Variants in OGT observed in about 807,000 individuals in gnomAD.
OGT encodes O-linked N-acetylglucosamine (GlcNAc) transferase.
OGT carries 3 observed loss-of-function variants against 75.8 expected under a neutral mutation model. The ratio of observed to expected loss-of-function variants is 0.04; its 90% CI spans 0.02 to 0.10. The LOEUF (loss-of-function observed/expected upper bound fraction) is 0.10. Among genes scored for constraint, OGT ranks in the 10% least tolerant of loss-of-function variants. OGT has a pLI of 1.00. For missense variants in OGT, 260 were observed against 824.4 expected (o/e 0.32, Z 8.38); for synonymous variants, 257 against 289.7 (o/e 0.89, Z 1.15).
At position 71,573,732 on chromosome X, in the gene OGT, T is replaced by C. The variant is rs1375699148; in HGVS notation, c.3079T>C (p.Tyr1027His). The change falls in exon 22 of 22, where the codon TAT (tyrosine) becomes CAT (histidine). Residue 1027 changes from tyrosine to histidine, a missense_variant. Physicochemically the swap from Tyr to His is moderately conservative, Grantham distance 83 (BLOSUM62 2). Coordinates refer to ENST00000373719, the MANE Select transcript of OGT (RefSeq NM_181672.3). ...ERLYLQMWEH[Y>H]AAGNKPDHMI... ...GCTCTATCTACAGATGTGGGAGCAT[T>C]ATGCAGCTGGCAACAAACCTGACCA... 2.5e-6 allele frequency: 3 copies of C among 1,210,210 alleles called. No individual in the cohort carries two copies. The highest frequency in any genetic ancestry group is 2.2e-5 in the Admixed American group (1 of 45,866).
intron 3 of OGT, among the ~76,000 whole-genome samples, chrX:71,541,795 C>T (rs1037842137): frequency 2.8e-5 from 3 of 108,339 alleles, no homozygotes; most frequent in Non-Finnish European, 5.7e-5. Context: ...TATGTATGTA[C>T]GTGTCTAGAT....
In OGT at chrX:71,563,123, C is replaced by G. The variant is rs764384886; in HGVS notation, c.2149-7C>G. 26 of 1,204,062 alleles carry G rather than the reference C, an allele frequency of 2.2e-5. No homozygotes were observed. Among genetic ancestry groups the G allele is most frequent in the East Asian group, 3.0e-5 (1 of 33,809 alleles). ...AAAGACATGTCTGAAACTATTTTTTCCATTAGAAAAAAGCAGTCATCGATT... is the reference window on the plus strand; with the variant it reads ...AAAGACATGTCTGAAACTATTTTTTGCATTAGAAAAAAGCAGTCATCGATT... On this transcript the variant is annotated splice_polypyrimidine_tract_variant and splice_region_variant and intron_variant, in intron 16 of 21. Transcript: ENST00000373719.
At chrX:71,563,572 C>T in intron 18 of OGT, 73 bp downstream of exon 18, 3 of 833,620 alleles carry the variant, frequency 3.6e-6, no homozygotes, top group Non-Finnish European at 5.1e-6. Context: ...CATGATAACT[C>T]TAGGAGGCAA....
intron 14 of OGT, among the ~76,000 whole-genome samples, chrX:71,561,441 C>CA (rs1334429512): frequency 2.0e-5 from 2 of 101,338 alleles, no homozygotes; most frequent in African/African-American, 7.5e-5. Flanking sequence ...TCATGGGCAA[C>CA]ATAGTGAGAC....
chrX:71,535,805 G>T (rs946325474), intron 1 of OGT, among the ~76,000 whole-genome samples: 5 of 111,536 alleles, frequency 4.5e-5, no homozygotes, highest in African/African-American at 1.3e-4. Flanking sequence ...CAAATCACAC[G>T]TTTAATATTT....
intron 12 of OGT, 102 bp downstream of exon 12, chrX:71,557,774 C>T (rs185704125): frequency 2.7e-5 from 20 of 737,689 alleles, no homozygotes; most frequent in Middle Eastern, 9.5e-4. Context: ...ATAAAGTGAA[C>T]ACCACCCAAG....
Position 71,544,551 on chromosome X carries a change from G to A in OGT, c.463-16G>A, listed in dbSNP as rs758905175. ...AAAGCAGAGTATAATTAATGACAGC[G>A]TCTCTGGGTTTCTAGGATTTGTACT... On this transcript the variant is annotated splice_polypyrimidine_tract_variant and intron_variant, in intron 3 of 21. Transcript: ENST00000373719. 14 of 1,199,123 alleles carry A rather than the reference G, an allele frequency of 1.2e-5. No individual in the cohort carries two copies. The Admixed American group carries it at 1.3e-4, about 11-fold the overall frequency.
chrX:71,536,113 TG>T, intron 1 of OGT, 64 bp from the exon 2 acceptor site: 3 of 973,205 alleles, frequency 3.1e-6, no homozygotes, highest in Non-Finnish European at 4.2e-6. Flanking sequence ...TACATTTTTT[TG>T]GTTTACATTT....
chrX:71,538,110 A>G, intron 3 of OGT, 38 bp downstream of exon 3: 1 of 1,187,106 alleles, frequency 8.4e-7, no homozygotes. Context: ...CCTTCCTAGA[A>G]ACCCAGAAAG....
intron 4 of OGT, chrX:71,545,069 C>T (rs1031862101): frequency 8.2e-6 from 1 of 121,313 alleles, no homozygotes; most frequent in Non-Finnish European, 1.7e-5. Context: ...CCAAATGTTA[C>T]CCTGTAATAC....
chrX:71,549,642 T>C (rs1380381130), intron 5 of OGT, among the ~76,000 whole-genome samples: 1 of 110,836 alleles, frequency 9.0e-6, no homozygotes, highest in Non-Finnish European at 1.9e-5. Flanking sequence ...AAAAAGTAGC[T>C]ATGCGTGGTG....
chrX:71,560,475 ACT>A (rs754887380), intron 14 of OGT, among the ~76,000 whole-genome samples: 1 of 109,381 alleles, frequency 9.1e-6, no homozygotes, highest in African/African-American at 3.3e-5. Flanking sequence ...TTCTTTGTAG[ACT>A]CTATTAGCCA....
At chrX:71,555,924 A>G (rs1476055275) in intron 7 of OGT, 30 bp from the exon 8 acceptor site, 2 of 1,205,746 alleles carry the variant, frequency 1.7e-6, no homozygotes, top group Admixed American at 2.2e-5. Flanking sequence ...GATTCTGTAC[A>G]GTTTTTGAAG....
intron 3 of OGT, among the ~76,000 whole-genome samples, chrX:71,543,733 GATGT>G (rs1282461409): frequency 2.3e-5 from 2 of 87,920 alleles, no homozygotes; most frequent in Non-Finnish European, 4.3e-5. Context: ...AAATATTTGA[GATGT>G]GTGTGTGTGT....
At position 71,538,896 on chromosome X, in the gene OGT, G is replaced by A. The variant is rs1031447319; in HGVS notation, c.462+824G>A. Among the ~76,000 whole-genome samples, 4 of 112,092 alleles carry A rather than the reference G, an allele frequency of 3.6e-5. No individual in the cohort carries two copies. The East Asian group carries it at 1.1e-3, about 31-fold the overall frequency. The stretch of plus-strand genomic sequence containing the variant: ...TTTAGCTACCGTTTACTGAAAGTCT[G>A]TGTGGTCAGACACTCTACTGACAGC... On this transcript the variant is annotated intron_variant, in intron 3 of 21. Transcript: ENST00000373719.
chrX:71,566,160 G>A (rs189137711), intron 19 of OGT, among the ~76,000 whole-genome samples: 1 of 111,950 alleles, frequency 8.9e-6, no homozygotes, highest in Admixed American at 9.5e-5. Flanking sequence ...GAGGATAGAA[G>A]AGAAGAGGAA....
Position 71,554,596 on chromosome X carries a change from A to G in OGT, c.728+4A>G. On this transcript the variant is annotated splice_donor_region_variant and intron_variant, in intron 6 of 21. Coordinates refer to ENST00000373719, the MANE Select transcript of OGT (RefSeq NM_181672.3). The stretch of plus-strand genomic sequence containing the variant: ...AAGAGGCACGCATTTTTGACAGGTG[A>G]GAGAATGTTCTGTTTAATAAATTTT... 1.7e-6 allele frequency: 2 copies of G among 1,174,081 alleles called. No individual in the cohort carries two copies. Among genetic ancestry groups the G allele is most frequent in the Non-Finnish European group, 2.3e-6 (2 of 861,401 alleles).
intron 3 of OGT, among the ~76,000 whole-genome samples, chrX:71,541,312 C>T (rs1179462539): frequency 5.4e-5 from 6 of 110,368 alleles, no homozygotes; most frequent in Admixed American, 1.9e-4. Context: ...CCATATATTT[C>T]GATTCTTCTC....
chrX:71,571,862 T>C (rs998603012), intron 21 of OGT, among the ~76,000 whole-genome samples: 13 of 110,147 alleles, frequency 1.2e-4, no homozygotes, highest in South Asian at 3.9e-4. Flanking sequence ...CTCTGCCTCC[T>C]GGGTTCAAGC....
Sources: allele counts gnomAD v4.1 joint callset (sites outside exome capture counted in the v4.1 genomes callset), GRCh38; gene constraint gnomAD v4.1.1; transcripts MANE v1.5; gene names NCBI Gene and HGNC (gene_info 2026-07-23, HGNC 2026-07-21).